The following SQOR variants were observed in gnomAD, a reference collection of about 807,000 sequenced individuals.
The protein encoded by SQOR is sulfide:quinone oxidoreductase, mitochondrial.
In SQOR, 39 loss-of-function variants were observed where a neutral mutation model predicts 48.6. The ratio of observed to expected loss-of-function variants is 0.80; its 90% CI spans 0.62 to 1.05. The LOEUF is 1.05. Ranked by LOEUF, SQOR falls within the 50% of genes least tolerant of loss-of-function variation. The pLI is 0.00. For missense variants in SQOR, 561 were observed against 559.9 expected, an observed-to-expected ratio of 1.00 and a Z score of -0.02; for synonymous variants, 220 against 206.2, an observed-to-expected ratio of 1.07 and a Z score of -0.57.
intron 1 of SQOR, among the ~76,000 whole-genome samples, chr15:45,639,103 C>T (rs1490491502): frequency 6.6e-6 from 1 of 152,184 alleles, no homozygotes; most frequent in Admixed American, 6.6e-5. Flanking sequence ...GGCACCATCT[C>T]TTTTAAGTCA....
chr15:45,655,121 C>T (rs1186457275), intron 1 of SQOR, among the ~76,000 whole-genome samples: 2 of 152,118 alleles, frequency 1.3e-5, no homozygotes, highest in South Asian at 2.1e-4. Context: ...AAAACCTTAC[C>T]GAGGACTTCC....
intron 1 of SQOR, among the ~76,000 whole-genome samples, chr15:45,644,986 A>T (rs1213329285): frequency 6.6e-6 from 1 of 152,170 alleles, no homozygotes; most frequent in Non-Finnish European, 1.5e-5. Flanking sequence ...TAGTCCTGGG[A>T]GGGGCAGTCT....
At position 45,683,854 on chromosome 15, in the gene SQOR, ATG is replaced by A. The variant is rs79144382; in HGVS notation, c.1048+1211_1048+1212del. On this transcript the variant is annotated intron_variant, in intron 7 of 9. Transcript: ENST00000260324. ...TATGTATATTATGTATGTATATATT[ATG>A]TGTGTGTGTGTGTGTGTACATATAT... Among the ~76,000 whole-genome samples, 1,000 of 148,780 alleles carry A rather than the reference ATG, an allele frequency of 6.7e-3. 15 individuals carry two copies. Among genetic ancestry groups the A allele is most frequent in the African/African-American group, 0.023 (917 of 40,740 alleles).
intron 1 of SQOR, among the ~76,000 whole-genome samples, chr15:45,646,603 C>A (rs1299909280): frequency 6.6e-6 from 1 of 152,186 alleles, no homozygotes; most frequent in African/African-American, 2.4e-5. Context: ...CAAACCTTAA[C>A]ATTTCAGTGA....
At chr15:45,669,147 T>A (rs1395094117) in intron 3 of SQOR, among the ~76,000 whole-genome samples, 5 of 148,052 alleles carry the variant, frequency 3.4e-5, no homozygotes, top group Non-Finnish European at 7.4e-5. Context: ...TAATATATAT[T>A]TTTTATATAT....
At chr15:45,657,777 T>G (rs1236028045) in intron 1 of SQOR, among the ~76,000 whole-genome samples, 1 of 152,190 alleles carries the variant, frequency 6.6e-6, no homozygotes, top group Non-Finnish European at 1.5e-5. Context: ...TTAAGTCATT[T>G]TATTAAGTAG....
chr15:45,682,714 C>T lies in SQOR; in HGVS notation c.1048+53C>T, dbSNP rs148288435. ...TTCTCAAAAATATGTCACCTCAAGG[C>T]ATGATTGTAACAAAAACACAAGCTT... On this transcript the variant is annotated intron_variant, in intron 7 of 9. Coordinates refer to ENST00000260324, the MANE Select transcript of SQOR (RefSeq NM_021199.4). 1,847 of 1,584,466 alleles carry T rather than the reference C, an allele frequency of 1.2e-3. 24 individuals are homozygous for T. In the African/African-American group the frequency reaches 0.022, roughly 19 times the overall value.
chr15:45,676,976 G>A (rs936012004), intron 6 of SQOR, among the ~76,000 whole-genome samples: 20 of 151,892 alleles, frequency 1.3e-4, no homozygotes, highest in African/African-American at 4.8e-4. Context: ...AGAAGGCGGA[G>A]GCTGCAGTGA....
chr15:45,690,905 C>A, intron 9 of SQOR, 68 bp from the exon 10 acceptor site: 2 of 1,385,234 alleles, frequency 1.4e-6, no homozygotes, highest in Non-Finnish European at 2.1e-6. Flanking sequence ...TCCCTTTCAG[C>A]ATCCTCCTGA....
At chr15:45,657,704 G>A (rs1402928790) in intron 1 of SQOR, among the ~76,000 whole-genome samples, 1 of 152,150 alleles carries the variant, frequency 6.6e-6, no homozygotes, top group African/African-American at 2.4e-5. Flanking sequence ...TGCCCTGCCA[G>A]CTTTCTCTAA....
Position 45,662,029 on chromosome 15 carries a change from G to T in SQOR, c.309G>T (p.Thr103=). 1.9e-6 allele frequency: 3 copies of T among 1,614,166 alleles called. No homozygotes were observed. The highest frequency in any genetic ancestry group is 2.5e-6 in the Non-Finnish European group (3 of 1,180,024). ...AATTGTCCTCATCTGGTCGTCCCACGGCAAGTGTGATTCCATCTGGTGTAG... is the reference window on the plus strand; with the variant it reads ...AATTGTCCTCATCTGGTCGTCCCACTGCAAGTGTGATTCCATCTGGTGTAG... ...AKQLSSSGRP[T]ASVIPSGVEW... is the part of the protein sequence containing the mutation. The change falls in exon 3 of 10, where the codon ACG becomes ACT. Residue 103 remains threonine (T), a synonymous_variant. Coordinates refer to ENST00000260324, the MANE Select transcript of SQOR (RefSeq NM_021199.4).
At chr15:45,666,728 T>G (rs150012996) in intron 3 of SQOR, among the ~76,000 whole-genome samples, 197 of 142,252 alleles carry the variant, frequency 1.4e-3, no homozygotes, top group African/African-American at 4.8e-3. Context: ...CCTTTTCCTC[T>G]CCCCTCCCCT....
At chr15:45,684,525 A>G (rs1890186299) in intron 7 of SQOR, among the ~76,000 whole-genome samples, 1 of 152,100 alleles carries the variant, frequency 6.6e-6, no homozygotes, top group African/African-American at 2.4e-5. Context: ...GTGGCACCTC[A>G]GGAGCCTGTC....
At chr15:45,639,974 A>G (rs570629886) in intron 1 of SQOR, among the ~76,000 whole-genome samples, 1 of 152,356 alleles carries the variant, frequency 6.6e-6, no homozygotes, top group South Asian at 2.1e-4. Flanking sequence ...ATGGTCTTAC[A>G]ATCTCCATTT....
At chr15:45,666,204 A>G (rs181051626) in intron 3 of SQOR, among the ~76,000 whole-genome samples, 214 of 152,302 alleles carry the variant, frequency 1.4e-3, no homozygotes, top group African/African-American at 5.0e-3. Flanking sequence ...TTTAGCTTCG[A>G]TATGACTCCT....
chr15:45,675,420 A>T (rs1890019069), intron 5 of SQOR, among the ~76,000 whole-genome samples: 1 of 150,304 alleles, frequency 6.7e-6, no homozygotes, highest in Admixed American at 6.6e-5. Flanking sequence ...TTGGAGACAG[A>T]ATTTTGCTCT....
intron 1 of SQOR, among the ~76,000 whole-genome samples, chr15:45,655,704 GAC>G (rs1388819667): frequency 7.5e-6 from 1 of 133,782 alleles, no homozygotes; most frequent in Non-Finnish European, 1.6e-5. Context: ...TTCTTTTTGA[GAC>G]AGAGTCTCAC....
At chr15:45,660,898 C>G (rs1285569250) in intron 2 of SQOR, among the ~76,000 whole-genome samples, 6 of 152,074 alleles carry the variant, frequency 3.9e-5, no homozygotes, top group Admixed American at 3.9e-4. Context: ...GGTCCCCAGT[C>G]TACTCTAAGT....
At chr15:45,644,795 T>C (rs1036247150) in intron 1 of SQOR, among the ~76,000 whole-genome samples, 6 of 152,212 alleles carry the variant, frequency 3.9e-5, no homozygotes, top group Non-Finnish European at 7.3e-5. Context: ...GAGCTGCCTA[T>C]AGTTGTAGTT....
Sources: gnomAD v4.1 joint callset for allele counts (sites outside exome capture counted in the v4.1 genomes callset) on GRCh38, gnomAD v4.1.1 for gene constraint, MANE v1.5 for transcripts, NCBI Gene and HGNC (gene_info 2026-07-23, HGNC 2026-07-21) for gene names.